CACNB2: variants seen among roughly 807,000 people sequenced by gnomAD.
CACNB2 encodes calcium voltage-gated channel auxiliary subunit beta 2.
CACNB2 carries 42 observed loss-of-function variants against 73.3 expected under a neutral mutation model. The observed-to-expected ratio is 0.57, with a 90% CI of 0.45 to 0.74. The LOEUF (loss-of-function observed/expected upper bound fraction) is 0.74, where lower values mean the gene tolerates loss of function less well. Among genes scored for constraint, CACNB2 ranks in the 30% least tolerant of loss-of-function variants. The pLI, the probability that CACNB2 is intolerant of heterozygous loss-of-function variation, is 0.00. For missense variants in CACNB2, 940 were observed against 853.0 expected, an observed-to-expected ratio of 1.10 and a Z score of -1.27; for synonymous variants, 348 against 310.3, an observed-to-expected ratio of 1.12 and a Z score of -1.28.
chr10:18,237,498 G>T (rs2036491860), intron 2 of CACNB2, among the ~76,000 whole-genome samples: 1 of 152,148 alleles, frequency 6.6e-6, no homozygotes, highest in African/African-American at 2.4e-5. Flanking sequence ...TGTAGAACAA[G>T]TTCTCCCCTA....
At chr10:18,466,759 A>G (rs572522498) in intron 3 of CACNB2, among the ~76,000 whole-genome samples, 3 of 152,158 alleles carry the variant, frequency 2.0e-5, no homozygotes, top group African/African-American at 7.2e-5. Context: ...CAGACCCACA[A>G]CTATTAGAAA....
chr10:18,502,711 A>T (rs906642893), intron 5 of CACNB2, among the ~76,000 whole-genome samples: 2 of 136,126 alleles, frequency 1.5e-5, no homozygotes, highest in Non-Finnish European at 3.2e-5. Flanking sequence ...AAAAAAAAAA[A>T]AAAAAAAAAA....
intron 2 of CACNB2, among the ~76,000 whole-genome samples, chr10:18,330,113 T>C (rs1414311147): frequency 6.6e-6 from 1 of 152,172 alleles, no homozygotes; most frequent in Non-Finnish European, 1.5e-5. Context: ...AGTGCTGAGA[T>C]TACAGTTGTC....
chr10:18,277,627 G>A (rs1278962692), intron 2 of CACNB2, among the ~76,000 whole-genome samples: 1 of 152,156 alleles, frequency 6.6e-6, no homozygotes, highest in Admixed American at 6.6e-5. Flanking sequence ...GATAATTAAA[G>A]CATATCTCAT....
chr10:18,167,585 G>A (rs112582168), intron 2 of CACNB2, among the ~76,000 whole-genome samples: 97 of 152,168 alleles, frequency 6.4e-4, no homozygotes, highest in Non-Finnish European at 7.8e-4. Flanking sequence ...AGAAATGCTC[G>A]CATCGACTGT....
intron 2 of CACNB2, among the ~76,000 whole-genome samples, chr10:18,228,389 C>G (rs113908139): frequency 7.9e-6 from 1 of 127,266 alleles, no homozygotes; most frequent in Non-Finnish European, 1.6e-5. Flanking sequence ...GCCGAGATGG[C>G]GACATTGCAC....
At chr10:18,474,081 C>G (rs1325389165) in intron 3 of CACNB2, among the ~76,000 whole-genome samples, 1 of 152,138 alleles carries the variant, frequency 6.6e-6, no homozygotes, top group Non-Finnish European at 1.5e-5. Context: ...AGATGTTTTG[C>G]TGAAATTTCT....
At chr10:18,506,684 T>C in intron 6 of CACNB2, 137 bp downstream of exon 6, 1 of 699,302 alleles carries the variant, frequency 1.4e-6, no homozygotes, top group Non-Finnish European at 2.6e-6. Flanking sequence ...GAAGTGAGCA[T>C]GCCCTTTTGG....
chr10:18,441,817 T>C (rs1432441265), intron 3 of CACNB2, among the ~76,000 whole-genome samples: 1 of 152,100 alleles, frequency 6.6e-6, no homozygotes, highest in African/African-American at 2.4e-5. Context: ...ATATTTTTAA[T>C]AGAGACTTGG....
chr10:18,430,934 T>G (rs904794915), intron 3 of CACNB2, among the ~76,000 whole-genome samples: 1 of 152,202 alleles, frequency 6.6e-6, no homozygotes, highest in East Asian at 1.9e-4. Flanking sequence ...CAGATGCTTT[T>G]GTAATTATAT....
rs190834777 is a variant in CACNB2 at position 18,500,674 on chromosome 10, C to T, written c.457-138C>T. On this transcript the variant is annotated intron_variant, in intron 4 of 13. Coordinates refer to ENST00000324631, the MANE Select transcript of CACNB2 (RefSeq NM_201596.3). Reference sequence around the variant, plus strand: ...TTTCTTACATGTGAAACCCATGAGCCGAAGGGTTTCTTGAATGATAATATT... The same window carrying T: ...TTTCTTACATGTGAAACCCATGAGCTGAAGGGTTTCTTGAATGATAATATT... The T allele has an allele frequency of 1.6e-4, 141 of 872,706 alleles. No homozygotes were observed. In the East Asian group the frequency reaches 1.8e-3, roughly 11 times the overall value. 54.1% of individuals were successfully genotyped at this position (872,706 alleles called of 1,614,324 possible). A position where few individuals can be genotyped will look rare whatever the true frequency, so the allele number is the denominator to read the frequency against.
At chr10:18,304,326 T>C (rs1167264490) in intron 2 of CACNB2, among the ~76,000 whole-genome samples, 8 of 152,232 alleles carry the variant, frequency 5.3e-5, no homozygotes, top group Non-Finnish European at 2.9e-5. Flanking sequence ...CAATACACAA[T>C]GGGCAAGTAT....
intron 2 of CACNB2, among the ~76,000 whole-genome samples, chr10:18,347,559 T>A (rs925414954): frequency 6.0e-5 from 3 of 49,850 alleles, no homozygotes; most frequent in Admixed American, 2.4e-4. Flanking sequence ...TCTCTAGGCT[T>A]TTTTTTTTCC....
At chr10:18,260,443 T>A (rs2037483328) in intron 2 of CACNB2, 2 of 985,326 alleles carry the variant, frequency 2.0e-6, no homozygotes, top group Admixed American at 6.2e-5. Flanking sequence ...AATGAACATT[T>A]GCCAGCGAGC....
chr10:18,334,096 G>C (rs1431761893), intron 2 of CACNB2, among the ~76,000 whole-genome samples: 2 of 152,190 alleles, frequency 1.3e-5, no homozygotes, highest in Non-Finnish European at 2.9e-5. Context: ...TCTCTTTTCA[G>C]ATTAGTGAGC....
chr10:18,539,895 T>C lies in CACNB2; in HGVS notation c.*171T>C, dbSNP rs1180678036. On this transcript the variant is annotated 3_prime_UTR_variant, in exon 14 of 14. Coordinates refer to ENST00000324631, the MANE Select transcript of CACNB2 (RefSeq NM_201596.3). ...CAATAGCATGGATAGAGTATTGAGATACTTTTTCTTTTGTAAGTGCTACAT... is the reference window on the plus strand; with the variant it reads ...CAATAGCATGGATAGAGTATTGAGACACTTTTTCTTTTGTAAGTGCTACAT... 1 of 734,948 alleles carries C rather than the reference T, an allele frequency of 1.4e-6. No individual in the cohort carries two copies. Among genetic ancestry groups the C allele is most frequent in the East Asian group, 2.8e-5 (1 of 35,594 alleles). The allele number at this position is 734,948 out of a possible 1,614,324, so 45.5% of individuals were successfully genotyped here. A position where few individuals can be genotyped will look rare whatever the true frequency, so the allele number is the denominator to read the frequency against.
At chr10:18,487,670 G>A (rs1319982256) in intron 3 of CACNB2, among the ~76,000 whole-genome samples, 5 of 151,878 alleles carry the variant, frequency 3.3e-5, no homozygotes, top group African/African-American at 1.2e-4. Flanking sequence ...CCCTGTCTCT[G>A]CTAAAAATAC....
intron 3 of CACNB2, among the ~76,000 whole-genome samples, chr10:18,404,568 G>A (rs2044180065): frequency 6.6e-6 from 1 of 152,022 alleles, no homozygotes; most frequent in Non-Finnish European, 1.5e-5. Flanking sequence ...CGTAACCATC[G>A]AAGCATCTCT....
At chr10:18,267,567 C>T (rs1240036702) in intron 2 of CACNB2, among the ~76,000 whole-genome samples, 2 of 152,170 alleles carry the variant, frequency 1.3e-5, no homozygotes, top group African/African-American at 2.4e-5. Flanking sequence ...GATCACACCA[C>T]TGCACTCCAG....
Sources: allele counts gnomAD v4.1 joint callset (sites outside exome capture counted in the v4.1 genomes callset), GRCh38; gene constraint gnomAD v4.1.1; transcripts MANE v1.5; gene names NCBI Gene and HGNC (gene_info 2026-07-23, HGNC 2026-07-21).